Variants in DLG2 observed in about 807,000 individuals in gnomAD.
DLG2 encodes disks large homolog 2.
DLG2 carries 45 observed loss-of-function variants against 132.5 expected under a neutral mutation model. That is an observed-to-expected ratio of 0.34 (90% CI 0.27 to 0.44). DLG2 has a LOEUF of 0.44. Ranked by LOEUF, DLG2 falls within the 20% of genes least tolerant of loss-of-function variation. The pLI is 1.00. For missense variants in DLG2, 1,045 were observed against 1,196.9 expected (o/e 0.87, Z 1.87); for synonymous variants, 424 against 419.6 (o/e 1.01, Z -0.13).
chr11:85,033,503 G>A (rs2061198847), intron 6 of DLG2, among the ~76,000 whole-genome samples: 1 of 152,058 alleles, frequency 6.6e-6, no homozygotes, highest in Non-Finnish European at 1.5e-5. Flanking sequence ...TTCAAGCAAG[G>A]CATTTTGAGA....
At chr11:83,817,805 G>A (rs1166937378) in intron 17 of DLG2, among the ~76,000 whole-genome samples, 1 of 152,156 alleles carries the variant, frequency 6.6e-6, no homozygotes, top group Non-Finnish European at 1.5e-5. Flanking sequence ...GAGCCCAGGA[G>A]CTCAAAGGTT....
intron 3 of DLG2, among the ~76,000 whole-genome samples, chr11:85,561,129 G>A (rs1250868752): frequency 1.3e-5 from 2 of 151,020 alleles, no homozygotes; most frequent in Non-Finnish European, 3.0e-5. Context: ...GCCAAGGCAA[G>A]AGGATCATTT....
chr11:83,652,647 C>T (rs1316903433), intron 18 of DLG2, among the ~76,000 whole-genome samples: 4 of 152,110 alleles, frequency 2.6e-5, no homozygotes, highest in African/African-American at 9.7e-5. Flanking sequence ...GCTGGGATTA[C>T]GGGTGTGAGC....
chr11:85,598,789 C>G lies in DLG2; in HGVS notation c.-92-1G>C. ...AGTAATGATAAAGCTCGGTCAGTAT[C>G]TGAAAAACATGATATTATTATTATA... On this transcript the variant is annotated splice_acceptor_variant, in intron 2 of 27. Coordinates refer to ENST00000376104, the MANE Select transcript of DLG2 (RefSeq NM_001142699.3). LOFTEE classifies it low-confidence loss of function (5UTR_SPLICE). 2.2e-6 allele frequency: 2 copies of G among 906,104 alleles called. No homozygotes were observed. Among genetic ancestry groups the G allele is most frequent in the Non-Finnish European group, 3.2e-6 (2 of 618,054 alleles). 56.1% of individuals were successfully genotyped at this position (906,104 alleles called of 1,614,324 possible). A position where few individuals can be genotyped will look rare whatever the true frequency, so the allele number is the denominator to read the frequency against.
At chr11:84,949,458 C>G (rs182098210) in intron 6 of DLG2, among the ~76,000 whole-genome samples, 1 of 150,124 alleles carries the variant, frequency 6.7e-6, no homozygotes, top group African/African-American at 2.5e-5. Flanking sequence ...AGCCTGGGAG[C>G]GCTATGGGAG....
At chr11:84,272,803 G>GA (rs1319621017) in intron 7 of DLG2, among the ~76,000 whole-genome samples, 2 of 152,188 alleles carry the variant, frequency 1.3e-5, no homozygotes, top group East Asian at 3.9e-4. Flanking sequence ...AGCTCTGGGG[G>GA]AACCAATGGG....
rs539048736 is a variant in DLG2, at chr11:83,750,594, T to C, written c.1825+36096A>G. On this transcript the variant is annotated intron_variant, in intron 18 of 27. Transcript: ENST00000376104. ...TTCTACATATAGACATTTCAAATAATGTGCCATTTGAACAAATGGTTCCAT... is the reference window on the plus strand; with the variant it reads ...TTCTACATATAGACATTTCAAATAACGTGCCATTTGAACAAATGGTTCCAT... 2.6e-5 allele frequency among the ~76,000 whole-genome samples: 4 copies of C among 152,308 alleles called. No individual in the cohort carries two copies. The East Asian group carries it at 7.7e-4, about 29-fold the overall frequency.
intron 6 of DLG2, among the ~76,000 whole-genome samples, chr11:84,792,152 A>T (rs1431475853): frequency 6.6e-6 from 1 of 152,130 alleles, no homozygotes; most frequent in Non-Finnish European, 1.5e-5. Context: ...AGAGATGTTG[A>T]ATTTTATCAA....
At chr11:84,296,115 T>C (rs190752661) in intron 7 of DLG2, among the ~76,000 whole-genome samples, 108 of 152,306 alleles carry the variant, frequency 7.1e-4, no homozygotes, top group African/African-American at 2.5e-3. Context: ...CTGAAACGTA[T>C]TCCCGAAAAC....
chr11:83,702,330 T>C (rs1044261516), intron 18 of DLG2, among the ~76,000 whole-genome samples: 2 of 152,220 alleles, frequency 1.3e-5, no homozygotes, highest in Non-Finnish European at 1.5e-5. Flanking sequence ...TGGTATGAAC[T>C]TGGACAATTT....
intron 11 of DLG2, among the ~76,000 whole-genome samples, chr11:84,040,813 G>A (rs1378310280): frequency 2.2e-4 from 33 of 151,828 alleles, no homozygotes; most frequent in Non-Finnish European, 4.3e-4. Flanking sequence ...ACCTTGGGCA[G>A]TATGGCCATT....
intron 6 of DLG2, among the ~76,000 whole-genome samples, chr11:85,092,731 C>T (rs889755579): frequency 6.6e-6 from 1 of 151,716 alleles, no homozygotes; most frequent in Non-Finnish European, 1.5e-5. Flanking sequence ...CAGCCTCTGC[C>T]TCCTGGGTTC....
intron 19 of DLG2, among the ~76,000 whole-genome samples, chr11:83,567,836 A>T (rs1169855270): frequency 6.6e-6 from 1 of 152,170 alleles, no homozygotes; most frequent in East Asian, 1.9e-4. Context: ...GTCCAGCTAG[A>T]TATGGCTAGA....
chr11:84,383,212 T>C (rs2098755102), intron 7 of DLG2, among the ~76,000 whole-genome samples: 1 of 152,108 alleles, frequency 6.6e-6, no homozygotes, highest in African/African-American at 2.4e-5. Flanking sequence ...TTCATTTTCC[T>C]ATTATCTACT....
chr11:83,860,608 T>G (rs1272013716), intron 16 of DLG2, among the ~76,000 whole-genome samples: 1 of 152,230 alleles, frequency 6.6e-6, no homozygotes, highest in Non-Finnish European at 1.5e-5. Flanking sequence ...GCAACTTGCC[T>G]TATCTCAGAT....
At chr11:84,202,060 T>G (rs2154299884) in intron 8 of DLG2, among the ~76,000 whole-genome samples, 1 of 151,908 alleles carries the variant, frequency 6.6e-6, no homozygotes, top group South Asian at 2.1e-4. Context: ...TTCATGATCC[T>G]CCTGCCTTGG....
At chr11:83,770,484 T>A (rs1010671271) in intron 18 of DLG2, among the ~76,000 whole-genome samples, 4 of 151,986 alleles carry the variant, frequency 2.6e-5, no homozygotes, top group Non-Finnish European at 5.9e-5. Flanking sequence ...GTCATTTGAG[T>A]AAACATTCAA....
At chr11:84,722,187 C>G (rs2061913317) in intron 6 of DLG2, among the ~76,000 whole-genome samples, 1 of 152,176 alleles carries the variant, frequency 6.6e-6, no homozygotes, top group Non-Finnish European at 1.5e-5. Context: ...GTCACATTTA[C>G]ATGAATGTGG....
chr11:84,340,479 A>G (rs147238168), intron 7 of DLG2, among the ~76,000 whole-genome samples: 33 of 152,322 alleles, frequency 2.2e-4, no homozygotes, highest in African/African-American at 7.5e-4. Context: ...AAAAGATACT[A>G]CATACTTACC....
Sources: allele counts gnomAD v4.1 joint callset (sites outside exome capture counted in the v4.1 genomes callset), GRCh38; gene constraint gnomAD v4.1.1; transcripts MANE v1.5; gene names NCBI Gene and HGNC (gene_info 2026-07-23, HGNC 2026-07-21).